Variants in NLK observed in about 807,000 individuals in gnomAD.
The protein encoded by NLK is nemo like kinase.
NLK carries 11 observed loss-of-function variants against 59.0 expected under a neutral mutation model. The ratio of observed to expected loss-of-function variants is 0.19; its 90% CI spans 0.12 to 0.31. NLK has a LOEUF of 0.31. Among genes scored for constraint, NLK ranks in the 10% least tolerant of loss-of-function variants. The pLI is 1.00. For synonymous variants in NLK, 235 were observed against 235.9 expected (o/e 1.00, Z 0.03); for missense variants, 410 against 661.1 (o/e 0.62, Z 4.16).
At chr17:28,163,520 A>G (rs771483819) in intron 4 of NLK, 23 bp from the exon 5 acceptor site, 25 of 1,415,208 alleles carry the variant, frequency 1.8e-5, no homozygotes, top group South Asian at 8.6e-5. Flanking sequence ...AATATCTGCA[A>G]TTAAATCTGT....
intron 8 of NLK, among the ~76,000 whole-genome samples, chr17:28,190,098 A>G (rs1909254657): frequency 6.6e-6 from 1 of 152,216 alleles, no homozygotes; most frequent in African/African-American, 2.4e-5. Flanking sequence ...TGTAATGTGA[A>G]GAAGTGCTTG....
At chr17:28,192,397 G>A (rs1171432957) in intron 10 of NLK, among the ~76,000 whole-genome samples, 184 bp downstream of exon 10, 1 of 152,132 alleles carries the variant, frequency 6.6e-6, no homozygotes, top group Non-Finnish European at 1.5e-5. Flanking sequence ...GGCTGGGCGC[G>A]GTAGCTCATG....
At chr17:28,086,116 T>A (rs866844339) in intron 1 of NLK, among the ~76,000 whole-genome samples, 6 of 152,240 alleles carry the variant, frequency 3.9e-5, no homozygotes, top group South Asian at 2.1e-4. Flanking sequence ...ATAGTTTTTT[T>A]AAATCATGTA....
chr17:28,115,286 C>G (rs1486661721), intron 1 of NLK, among the ~76,000 whole-genome samples: 1 of 152,206 alleles, frequency 6.6e-6, no homozygotes, highest in Non-Finnish European at 1.5e-5. Flanking sequence ...TTGGCAGAGC[C>G]TAACATGGAG....
intron 1 of NLK, among the ~76,000 whole-genome samples, chr17:28,120,186 T>G (rs575685240): frequency 3.9e-5 from 6 of 152,214 alleles, no homozygotes; most frequent in Non-Finnish European, 5.9e-5. Context: ...TGTCCCCTCC[T>G]ATTTTCTAGT....
intron 1 of NLK, among the ~76,000 whole-genome samples, chr17:28,097,956 T>G (rs1212109577): frequency 6.6e-6 from 1 of 152,296 alleles, no homozygotes; most frequent in Middle Eastern, 3.4e-3. Flanking sequence ...GGTAACCTAG[T>G]TGACAAAAGT....
chr17:28,045,625 A>G (rs1909023168), intron 1 of NLK, among the ~76,000 whole-genome samples: 2 of 152,208 alleles, frequency 1.3e-5, no homozygotes, highest in African/African-American at 4.8e-5. Flanking sequence ...ATGTTTTAGT[A>G]TGCAAATGCT....
intron 3 of NLK, among the ~76,000 whole-genome samples, chr17:28,154,854 C>T (rs56255659): frequency 2.6e-5 from 4 of 152,014 alleles, no homozygotes; most frequent in East Asian, 1.9e-4. Context: ...GCCAACATGG[C>T]GAAACCCCAT....
intron 1 of NLK, chr17:28,061,935 A>ATAT (rs1357687978): frequency 2.3e-5 from 3 of 130,782 alleles, no homozygotes; most frequent in African/African-American, 8.5e-5. Context: ...ATATATATAT[A>ATAT]TTTTTTTTTT....
At chr17:28,204,366 A>G in the NLK span, among the ~76,000 whole-genome samples, 1 of 152,206 alleles carries the variant, frequency 6.6e-6, no homozygotes, top group African/African-American at 2.4e-5. Context: ...TTTAACCTGC[A>G]TGGTGTATGA....
At chr17:28,151,932 T>TTCATAC (rs1177093190) in intron 3 of NLK, among the ~76,000 whole-genome samples, 1 of 152,238 alleles carries the variant, frequency 6.6e-6, no homozygotes, top group Non-Finnish European at 1.5e-5. Context: ...GTATGTGGTC[T>TTCATAC]TAGTATGAAG....
chr17:28,061,698 T>C (rs1246335856), intron 1 of NLK, among the ~76,000 whole-genome samples: 1 of 150,808 alleles, frequency 6.6e-6, no homozygotes, highest in Non-Finnish European at 1.5e-5. Flanking sequence ...TGGTGATTTC[T>C]ACCTCCAGTT....
At chr17:28,101,605 G>A (rs538590316) in intron 1 of NLK, among the ~76,000 whole-genome samples, 56 of 152,146 alleles carry the variant, frequency 3.7e-4, no homozygotes, top group Non-Finnish European at 6.2e-4. Context: ...AGTATGTAGA[G>A]ATGCAGTTGA....
chr17:28,167,505 G>A (rs1012451344), intron 5 of NLK, among the ~76,000 whole-genome samples: 1 of 151,698 alleles, frequency 6.6e-6, no homozygotes, highest in Non-Finnish European at 1.5e-5. Context: ...CTGGGATTAC[G>A]GGCATGAGCC....
intron 1 of NLK, among the ~76,000 whole-genome samples, chr17:28,105,741 CT>C (rs1905057025): frequency 6.6e-6 from 1 of 152,180 alleles, no homozygotes; most frequent in African/African-American, 2.4e-5. Flanking sequence ...CCTTTGTTAT[CT>C]CTTGCTAGCA....
Position 28,161,214 on chromosome 17 carries a change from T to A in NLK, c.699T>A (p.Pro233=). 6.2e-7 allele frequency: 1 copy of A among 1,612,278 alleles called. No individual in the cohort carries two copies. The highest frequency in any genetic ancestry group is 8.5e-7 in the Non-Finnish European group (1 of 1,178,342). ...QSDLHKIIVS[P]QPLSSDHVKV... ...ACCTACATAAAATTATCGTCTCTCC[T>A]CAACCACTCAGCTCAGATCATGTCA... The change falls in exon 4 of 11, where the codon CCT becomes CCA. Residue 233 remains proline (P), a synonymous_variant. Coordinates refer to ENST00000407008, the MANE Select transcript of NLK (RefSeq NM_016231.5).
chr17:28,173,627 T>C (rs977104939), intron 7 of NLK, among the ~76,000 whole-genome samples: 1 of 152,186 alleles, frequency 6.6e-6, no homozygotes, highest in Non-Finnish European at 1.5e-5. Flanking sequence ...CCTCTGATGG[T>C]TACATGTTTC....
chr17:28,151,319 CTGAAT>C (rs1288291050), intron 3 of NLK, among the ~76,000 whole-genome samples: 3 of 152,220 alleles, frequency 2.0e-5, no homozygotes, highest in African/African-American at 7.2e-5. Context: ...TGTATTGCTT[CTGAAT>C]TTTTGAAGCT....
intron 1 of NLK, among the ~76,000 whole-genome samples, chr17:28,072,753 A>G (rs1597664769): frequency 1.3e-5 from 2 of 152,034 alleles, no homozygotes; most frequent in African/African-American, 4.8e-5. Flanking sequence ...TTTAAATTCC[A>G]TGGGTAATAA....
Sources: allele counts gnomAD v4.1 joint callset (sites outside exome capture counted in the v4.1 genomes callset), GRCh38; gene constraint gnomAD v4.1.1; transcripts MANE v1.5; gene names NCBI Gene and HGNC (gene_info 2026-07-23, HGNC 2026-07-21).